Variants in ABTB3 observed in about 807,000 individuals in gnomAD.
The protein encoded by ABTB3 is ankyrin repeat- and BTB/POZ domain-containing protein 3.
the ABTB3 span, among the ~76,000 whole-genome samples, chr12:107,382,433 G>A: frequency 1.3e-5 from 2 of 152,138 alleles, no homozygotes; most frequent in Non-Finnish European, 2.9e-5. Flanking sequence ...GTGAATGGGA[G>A]TTTACTCTTG....
chr12:107,445,876 TC>T, the ABTB3 span, among the ~76,000 whole-genome samples: 1 of 129,018 alleles, frequency 7.8e-6, no homozygotes, highest in Non-Finnish European at 1.7e-5. Flanking sequence ...CTCTCCCCTC[TC>T]CCCTCTCCCC....
the ABTB3 span, among the ~76,000 whole-genome samples, chr12:107,373,243 A>G: frequency 6.6e-6 from 1 of 152,210 alleles, no homozygotes; most frequent in East Asian, 1.9e-4. Flanking sequence ...GTTTTCTCCC[A>G]TTTACTGTTG....
chr12:107,355,308 T>C, the ABTB3 span, among the ~76,000 whole-genome samples: 1 of 152,270 alleles, frequency 6.6e-6, no homozygotes, highest in Admixed American at 6.5e-5. Context: ...GGCTCTGACA[T>C]GCCATTCTTG....
At chr12:107,642,936 C>A in the ABTB3 span, among the ~76,000 whole-genome samples, 1 of 152,104 alleles carries the variant, frequency 6.6e-6, no homozygotes, top group Non-Finnish European at 1.5e-5. Flanking sequence ...ATTCATAAAT[C>A]CTGCTCTGCA....
At chr12:107,320,051 C>T in the ABTB3 span, 2 of 1,520,148 alleles carry the variant, frequency 1.3e-6, no homozygotes, top group East Asian at 5.0e-5. Flanking sequence ...CTACCAGCAC[C>T]TGATCTGCGG....
the ABTB3 span, among the ~76,000 whole-genome samples, chr12:107,652,326 C>A: frequency 6.6e-6 from 1 of 152,236 alleles, no homozygotes; most frequent in African/African-American, 2.4e-5. Context: ...GGGGTGAGAA[C>A]CGCCCTTCCA....
At chr12:107,562,533 G>A in the ABTB3 span, among the ~76,000 whole-genome samples, 2 of 152,354 alleles carry the variant, frequency 1.3e-5, no homozygotes, top group African/African-American at 4.8e-5. Context: ...GTAAGTGAGT[G>A]GGGAGTGTGA....
the ABTB3 span, among the ~76,000 whole-genome samples, chr12:107,542,909 A>C: frequency 5.9e-5 from 9 of 152,204 alleles, no homozygotes; most frequent in African/African-American, 2.4e-5. Context: ...CAGGAGGAGA[A>C]GGAAAAGGAG....
chr12:107,389,823 G>A, the ABTB3 span, among the ~76,000 whole-genome samples: 1 of 142,576 alleles, frequency 7.0e-6, no homozygotes, highest in South Asian at 2.3e-4. Flanking sequence ...GGTCAGGTGG[G>A]ATGCTGGGGC....
chr12:107,474,168 G>A, the ABTB3 span, among the ~76,000 whole-genome samples: 1 of 152,148 alleles, frequency 6.6e-6, no homozygotes, highest in African/African-American at 2.4e-5. Context: ...GCCCAGTCCT[G>A]GGGTCTGTAT....
the ABTB3 span, among the ~76,000 whole-genome samples, chr12:107,389,456 C>CT: frequency 2.0e-5 from 3 of 152,116 alleles, no homozygotes; most frequent in African/African-American, 7.2e-5. Flanking sequence ...GCCGGACAGT[C>CT]TGACACCTGA....
the ABTB3 span, among the ~76,000 whole-genome samples, chr12:107,532,667 C>T: frequency 1.3e-5 from 2 of 152,152 alleles, no homozygotes; most frequent in Admixed American, 1.3e-4. Context: ...GATAAGATAG[C>T]TCAAAGATCT....
At chr12:107,519,459 A>G in the ABTB3 span, among the ~76,000 whole-genome samples, 1 of 151,588 alleles carries the variant, frequency 6.6e-6, no homozygotes, top group Non-Finnish European at 1.5e-5. Context: ...AGTAGCTGGG[A>G]CTACAGGCCA....
the ABTB3 span, among the ~76,000 whole-genome samples, chr12:107,433,259 C>T: frequency 6.5e-5 from 9 of 139,132 alleles, no homozygotes; most frequent in East Asian, 4.3e-4. Context: ...CACTGCAGTC[C>T]GCAGTCCGGC....
the ABTB3 span, among the ~76,000 whole-genome samples, chr12:107,432,069 G>T: frequency 2.6e-5 from 4 of 152,310 alleles, no homozygotes; most frequent in African/African-American, 9.6e-5. Flanking sequence ...TGGCTATGTG[G>T]TTATGTTGTC....
chr12:107,392,777 G>T, the ABTB3 span, among the ~76,000 whole-genome samples: 11 of 152,066 alleles, frequency 7.2e-5, no homozygotes, highest in Admixed American at 7.2e-4. Context: ...ACTAAGCCTG[G>T]TGTTGTGTAC....
chr12:107,596,871 T>C, the ABTB3 span, among the ~76,000 whole-genome samples: 2 of 152,330 alleles, frequency 1.3e-5, no homozygotes, highest in South Asian at 4.1e-4. Flanking sequence ...TCTTTGAGAA[T>C]CGCTGGGTTG....
chr12:107,431,478 G>A, the ABTB3 span, among the ~76,000 whole-genome samples: 129 of 152,128 alleles, frequency 8.5e-4, 2 homozygotes, highest in East Asian at 1.2e-3. Flanking sequence ...GCGTGGTGGC[G>A]CATGTCTGTA....
chr12:107,591,279 A>G, the ABTB3 span, among the ~76,000 whole-genome samples: 1 of 152,224 alleles, frequency 6.6e-6, no homozygotes, highest in Non-Finnish European at 1.5e-5. Flanking sequence ...ACATTGCTAT[A>G]AAGAACTGTT....
Sources: gnomAD v4.1 joint callset for allele counts (sites outside exome capture counted in the v4.1 genomes callset) on GRCh38, gnomAD v4.1.1 for gene constraint, MANE v1.5 for transcripts, NCBI Gene and HGNC (gene_info 2026-07-23, HGNC 2026-07-21) for gene names.